The following EPHX1 variants were observed in gnomAD, a reference collection of about 807,000 sequenced individuals.
EPHX1 encodes the protein epoxide hydratase.
EPHX1 carries 40 observed loss-of-function variants against 43.2 expected under a neutral mutation model. The ratio of observed to expected loss-of-function variants is 0.93; its 90% CI spans 0.72 to 1.21. The LOEUF is 1.21. Ranked by LOEUF, EPHX1 falls within the 50% of genes most tolerant of loss-of-function variation. The probability of loss-of-function intolerance (pLI) is 0.00; values close to 1 mark genes in which losing one functional copy is unlikely to be tolerated. For synonymous variants in EPHX1, 221 were observed against 226.7 expected, an observed-to-expected ratio of 0.98 and a Z score of 0.22; for missense variants, 550 against 570.4, an observed-to-expected ratio of 0.96 and a Z score of 0.36.
At chr1:225,843,226 G>A (rs990576487) in intron 7 of EPHX1, among the ~76,000 whole-genome samples, 4 of 152,288 alleles carry the variant, frequency 2.6e-5, no homozygotes, top group South Asian at 2.1e-4. Flanking sequence ...TTGTCTAAGC[G>A]GCAGAGAGGG....
At chr1:225,840,392 G>A (rs1030922072) in intron 6 of EPHX1, among the ~76,000 whole-genome samples, 3 of 152,178 alleles carry the variant, frequency 2.0e-5, no homozygotes, top group Non-Finnish European at 4.4e-5. Flanking sequence ...AGGGGAGAGG[G>A]GAGAGGGTGC....
intron 2 of EPHX1, among the ~76,000 whole-genome samples, chr1:225,829,755 T>C (rs1235929853): frequency 2.0e-5 from 3 of 152,066 alleles, no homozygotes; most frequent in Non-Finnish European, 2.9e-5. Context: ...AAAAGGAATG[T>C]GCACAAAGAA....
rs1447674296 is a variant in EPHX1, at chr1:225,845,556, C to T, written c.*209C>T. 3.3e-6 allele frequency: 2 copies of T among 614,444 alleles called. No individual in the cohort carries two copies. Among genetic ancestry groups the T allele is most frequent in the Non-Finnish European group, 5.7e-6 (2 of 349,766 alleles). The allele number at this position is 614,444 out of a possible 1,614,324, so 38.1% of individuals were successfully genotyped here. A position where few individuals can be genotyped will look rare whatever the true frequency, so the allele number is the denominator to read the frequency against. On this transcript the variant is annotated 3_prime_UTR_variant, in exon 9 of 9. Coordinates refer to ENST00000272167, the MANE Select transcript of EPHX1 (RefSeq NM_001136018.4). ...ATGGCTTTGATGATAAACGACTTTA[C>T]TCTAAAAGCGGCTGGAACTCAGTGA...
At chr1:225,832,043 G>T (rs112043151) in intron 3 of EPHX1, 84 bp downstream of exon 3, 1 of 1,481,728 alleles carries the variant, frequency 6.7e-7, no homozygotes, top group Non-Finnish European at 9.3e-7. Context: ...GTCAGATAAA[G>T]TTGGAGAGAT....
At chr1:225,828,682 G>T (rs1251206096) in intron 1 of EPHX1, 43 bp from the exon 2 acceptor site, 2 of 1,607,070 alleles carry the variant, frequency 1.2e-6, no homozygotes, top group African/African-American at 2.7e-5. Context: ...TCAGGGCCGG[G>T]CTGGGCGGGC....
chr1:225,843,839 T>C (rs1266072724), intron 7 of EPHX1, among the ~76,000 whole-genome samples: 3 of 152,198 alleles, frequency 2.0e-5, no homozygotes, highest in Non-Finnish European at 2.9e-5. Context: ...TGGAACTAGT[T>C]TTCATTGACC....
chr1:225,833,795 T>TAAAAA (rs765544660), intron 3 of EPHX1, among the ~76,000 whole-genome samples: 1 of 108,650 alleles, frequency 9.2e-6, no homozygotes, highest in East Asian at 2.7e-4. Flanking sequence ...ACTCTGTCTT[T>TAAAAA]AAAAAAAAAA....
At chr1:225,834,156 T>C (rs1418345788) in intron 3 of EPHX1, among the ~76,000 whole-genome samples, 108 of 139,314 alleles carry the variant, frequency 7.8e-4, no homozygotes, top group Admixed American at 1.5e-4. Context: ...CCTGTAATCC[T>C]AGCACTGTGG....
rs141635713 is a variant in EPHX1, at chr1:225,819,968, A to G, written c.-5-8757A>G. The stretch of plus-strand genomic sequence containing the variant: ...CCTCAACATCCCAATCTGATGGCGT[A>G]TTTGCCGCAGCCACCAGCTCATCAA... On this transcript the variant is annotated intron_variant, in intron 1 of 8. Coordinates refer to ENST00000272167, the MANE Select transcript of EPHX1 (RefSeq NM_001136018.4). Among the ~76,000 whole-genome samples, 899 of 152,288 alleles carry G rather than the reference A, an allele frequency of 5.9e-3. 14 individuals are homozygous for G. Among genetic ancestry groups the G allele is most frequent in the African/African-American group, 0.021 (854 of 41,564 alleles).
chr1:225,810,130 A>T lies in EPHX1; in HGVS notation c.-45A>T, dbSNP rs1433105989. The T allele has an allele frequency of 1.3e-5, 2 of 151,578 alleles. No homozygotes were observed. The highest frequency in any genetic ancestry group is 2.9e-5 in the Non-Finnish European group (2 of 67,832). The allele number at this position is 151,578 out of a possible 1,614,324, so 9.4% of individuals were successfully genotyped here. Reference sequence around the variant, plus strand: ...CGAGGAGAGCCAGGGAGCCGGAGAGATCGCGCGCCTGCCGCCGCCGGAGCC... The same window carrying T: ...CGAGGAGAGCCAGGGAGCCGGAGAGTTCGCGCGCCTGCCGCCGCCGGAGCC... On this transcript the variant is annotated 5_prime_UTR_variant, in exon 1 of 9. Coordinates refer to ENST00000272167, the MANE Select transcript of EPHX1 (RefSeq NM_001136018.4).
Position 225,839,926 on chromosome 1 carries a change from C to T in EPHX1, c.820C>T (p.Leu274Phe), listed in dbSNP as rs1320442757. Residue 274 changes from leucine to phenylalanine, a missense_variant, in exon 6 of 9, where the codon CTC becomes TTC. By Grantham distance (22) the Leu-to-Phe change is conservative. Transcript: ENST00000272167. ...ACAGCGTTTCGGGAGGTTTCTTGGCCTCACTGAGAGGGATGTGGAGCTGCT... is the reference window on the plus strand; with the variant it reads ...ACAGCGTTTCGGGAGGTTTCTTGGCTTCACTGAGAGGGATGTGGAGCTGCT... ...LGQRFGRFLG[L>F]TERDVELLYP... 1.9e-6 allele frequency: 3 copies of T among 1,614,216 alleles called. No homozygotes were observed. Among genetic ancestry groups the T allele is most frequent in the Non-Finnish European group, 2.5e-6 (3 of 1,180,038 alleles).
intron 6 of EPHX1, among the ~76,000 whole-genome samples, chr1:225,841,870 C>G (rs917003350): frequency 6.6e-6 from 1 of 152,214 alleles, no homozygotes; most frequent in Non-Finnish European, 1.5e-5. Flanking sequence ...TCCCAAAGTG[C>G]TGGGATTACA....
chr1:225,813,924 A>G (rs1431071641), intron 1 of EPHX1, among the ~76,000 whole-genome samples: 1 of 152,184 alleles, frequency 6.6e-6, no homozygotes, highest in Non-Finnish European at 1.5e-5. Flanking sequence ...ACTTCTGGAA[A>G]ATTCTCCAGC....
At position 225,845,297 on chromosome 1, in the gene EPHX1, C is replaced by G; in HGVS notation, c.1318C>G (p.Leu440Val). ...CTTTGCGGCCTTTGAGGAGCCGGAGCTGCTCGCCCAGGACATCCGCAAGTT... is the reference window on the plus strand; with the variant it reads ...CTTTGCGGCCTTTGAGGAGCCGGAGGTGCTCGCCCAGGACATCCGCAAGTT... ...GHFAAFEEPE[L>V]LAQDIRKFLS... Residue 440 changes from leucine to valine, a missense_variant, in exon 9 of 9, where the codon CTG becomes GTG. Transcript: ENST00000272167. 6.2e-7 allele frequency: 1 copy of G among 1,612,704 alleles called. No homozygotes were observed.
intron 3 of EPHX1, among the ~76,000 whole-genome samples, chr1:225,837,385 G>A (rs1576022038): frequency 6.6e-6 from 1 of 152,346 alleles, no homozygotes; most frequent in African/African-American, 2.4e-5. Context: ...CCAGGGCACT[G>A]GCCTGGGAAG....
intron 1 of EPHX1, among the ~76,000 whole-genome samples, chr1:225,827,439 G>A (rs139773719): frequency 1.6e-3 from 247 of 152,328 alleles, no homozygotes; most frequent in African/African-American, 5.5e-3. Context: ...TAGGAATGAG[G>A]AAGATGAAGA....
At position 225,815,151 on chromosome 1, in the gene EPHX1, G is replaced by A. The variant is rs1248752450; in HGVS notation, c.-6+4982G>A. On this transcript the variant is annotated intron_variant, in intron 1 of 8. Transcript: ENST00000272167. ...GGAAGAAGCAACCCTGCCCTCTTCCGGTTCCATGTGTGCCTCACTGAGGCA... is the reference window on the plus strand; with the variant it reads ...GGAAGAAGCAACCCTGCCCTCTTCCAGTTCCATGTGTGCCTCACTGAGGCA... Among the ~76,000 whole-genome samples the A allele has an allele frequency of 1.4e-4, 12 of 84,350 alleles. 3 individuals are homozygous for A. The highest frequency in any genetic ancestry group is 3.4e-4 in the Non-Finnish European group (11 of 32,008). The allele number at this position is 84,350 out of a possible 152,430, so 55.3% of individuals were successfully genotyped here. A position where few individuals can be genotyped will look rare whatever the true frequency, so the allele number is the denominator to read the frequency against.
Position 225,845,416 on chromosome 1 carries a change from C to G in EPHX1, c.*69C>G, listed in dbSNP as rs1180681026. Reference sequence around the variant, plus strand: ...CTCCAGGCTTTTCTTGGGGAAGATACCCCTTTTCTGAGGAATGAGTTTGCC... The same window carrying G: ...CTCCAGGCTTTTCTTGGGGAAGATAGCCCTTTTCTGAGGAATGAGTTTGCC... On this transcript the variant is annotated 3_prime_UTR_variant, in exon 9 of 9. Coordinates refer to ENST00000272167, the MANE Select transcript of EPHX1 (RefSeq NM_001136018.4). 3 of 1,488,362 alleles carry G rather than the reference C, an allele frequency of 2.0e-6. No individual in the cohort carries two copies. The Admixed American group carries it at 6.0e-5, about 30-fold the overall frequency. 92.2% of individuals were successfully genotyped at this position (1,488,362 alleles called of 1,614,324 possible). A position where few individuals can be genotyped will look rare whatever the true frequency, so the allele number is the denominator to read the frequency against.
intron 3 of EPHX1, among the ~76,000 whole-genome samples, chr1:225,834,101 A>AG (rs1328661253): frequency 1.1e-5 from 1 of 89,688 alleles, no homozygotes; most frequent in East Asian, 4.4e-4. Flanking sequence ...CTGTCTCAAA[A>AG]AAAAAAAAAA....
Sources: gnomAD v4.1 joint callset for allele counts (sites outside exome capture counted in the v4.1 genomes callset) on GRCh38, gnomAD v4.1.1 for gene constraint, MANE v1.5 for transcripts, NCBI Gene and HGNC (gene_info 2026-07-23, HGNC 2026-07-21) for gene names.